SUPT7L: variants seen among roughly 807,000 people sequenced by gnomAD.
SUPT7L encodes SPT7 like, STAGA complex subunit gamma, also known as STAGA complex 65 subunit gamma.
SUPT7L carries 15 observed loss-of-function variants against 35.7 expected under a neutral mutation model. The observed-to-expected ratio is 0.42, with a 90% CI of 0.28 to 0.65. The LOEUF (loss-of-function observed/expected upper bound fraction) is 0.65, where lower values mean the gene tolerates loss of function less well. Among genes scored for constraint, SUPT7L ranks in the 30% least tolerant of loss-of-function variants. The probability of loss-of-function intolerance (pLI) is 0.23; values close to 1 mark genes in which losing one functional copy is unlikely to be tolerated. For missense variants in SUPT7L, 434 were observed against 522.2 expected, an observed-to-expected ratio of 0.83 and a Z score of 1.65; for synonymous variants, 168 against 186.2, an observed-to-expected ratio of 0.90 and a Z score of 0.79.
intron 3 of SUPT7L, 101 bp downstream of exon 3, chr2:27,660,883 C>T: frequency 7.0e-7 from 1 of 1,423,014 alleles, no homozygotes; most frequent in South Asian, 1.5e-5. Context: ...TACTCTTATC[C>T]TCAGTTTCCT....
downstream of SUPT7L, among the ~76,000 whole-genome samples, chr2:27,646,158 CA>C (rs1674217366): frequency 6.6e-6 from 1 of 152,204 alleles, no homozygotes; most frequent in Admixed American, 6.5e-5. Context: ...TGTTGTGCCT[CA>C]GCCTCCTGTG....
At chr2:27,662,768 G>A (rs1272443424) in intron 1 of SUPT7L, among the ~76,000 whole-genome samples, 2 of 152,028 alleles carry the variant, frequency 1.3e-5, no homozygotes, top group Non-Finnish European at 2.9e-5. Context: ...CTATATGCCA[G>A]ACTTCACCTT....
downstream of SUPT7L, among the ~76,000 whole-genome samples, chr2:27,648,895 C>T (rs933908868): frequency 2.0e-5 from 3 of 151,816 alleles, no homozygotes; most frequent in African/African-American, 7.2e-5. Flanking sequence ...TCTCGGCCTC[C>T]CAAAGTGCTG....
At chr2:27,647,410 C>T (rs1323091196), downstream of SUPT7L, among the ~76,000 whole-genome samples, 1 of 152,164 alleles carries the variant, frequency 6.6e-6, no homozygotes, top group Non-Finnish European at 1.5e-5. Context: ...GTATTTTCTG[C>T]AGACCTTCTC....
At chr2:27,656,637 C>CTT (rs113039227) in intron 4 of SUPT7L, among the ~76,000 whole-genome samples, 1 of 143,126 alleles carries the variant, frequency 7.0e-6, no homozygotes, top group Non-Finnish European at 1.5e-5. Context: ...TCTGTGTTCT[C>CTT]TTTTTTTTTT....
In SUPT7L at chr2:27,661,263, G is replaced by A. The variant is rs548044329; in HGVS notation, c.140C>T (p.Pro47Leu). The part of the protein sequence containing the change: ...PPLHQPSANK[P>L]KPPTMLDIPS... Reference sequence around the variant, plus strand: ...GATGTCCAGCATAGTGGGGGGCTTCGGCTTGTTGGCTGAGGGTTGGTGCAG... The same window carrying A: ...GATGTCCAGCATAGTGGGGGGCTTCAGCTTGTTGGCTGAGGGTTGGTGCAG... Residue 47 changes from proline (P) to leucine (L), a missense_variant, in exon 3 of 6, where the codon CCG becomes CTG. Coordinates refer to ENST00000337768, the MANE Select transcript of SUPT7L (RefSeq NM_014860.3). The A allele has an allele frequency of 5.6e-5, 91 of 1,613,496 alleles. No homozygotes were observed. The Middle Eastern group carries it at 6.6e-4, about 12-fold the overall frequency.
chr2:27,642,580 A>G, the SUPT7L span: 1 of 1,028,484 alleles, frequency 9.7e-7, no homozygotes, highest in Non-Finnish European at 1.5e-6. Context: ...TCTTTTATTT[A>G]TTTATTTATT....
chr2:27,661,842 T>A (rs1424021066), intron 2 of SUPT7L: 1 of 414,500 alleles, frequency 2.4e-6, no homozygotes, highest in Non-Finnish European at 4.4e-6. Context: ...ACATCTGTGC[T>A]GGATCAATAG....
intron 2 of SUPT7L, chr2:27,661,846 T>C (rs1054073350): frequency 9.6e-6 from 4 of 415,208 alleles, no homozygotes; most frequent in African/African-American, 8.1e-5. Flanking sequence ...CTGTGCTGGA[T>C]CAATAGGAGA....
chr2:27,645,611 G>C, the SUPT7L span, among the ~76,000 whole-genome samples: 1 of 151,736 alleles, frequency 6.6e-6, no homozygotes, highest in East Asian at 1.9e-4. Flanking sequence ...AGTGTTTCCA[G>C]TTTTCCATAT....
In SUPT7L at chr2:27,650,892, A is replaced by G. The variant is rs1271987301; in HGVS notation, c.*2593T>C. The G allele has an allele frequency of 6.5e-6, 1 of 152,826 alleles. No homozygotes were observed. Among genetic ancestry groups the G allele is most frequent in the Admixed American group, 6.5e-5 (1 of 15,288 alleles). 9.5% of individuals were successfully genotyped at this position (152,826 alleles called of 1,614,324 possible). On this transcript the variant is annotated 3_prime_UTR_variant, in exon 6 of 6. Transcript: ENST00000337768. ...TCATGATTTCAAATTAGAAAATTAT[A>G]TAATTGCAAACAGCTTCACTTCTCC...
downstream of SUPT7L, chr2:27,648,070 A>G (rs1265455588): frequency 1.6e-6 from 1 of 637,742 alleles, no homozygotes; most frequent in Non-Finnish European, 2.8e-6. Flanking sequence ...ACCAGAAAAG[A>G]GTTTCCTATA....
chr2:27,653,618 C>A lies in SUPT7L; in HGVS notation c.1112G>T (p.Gly371Val). Residue 371 changes from glycine (G) to valine (V), a missense_variant, in exon 6 of 6, where the codon GGC (glycine) becomes GTC (valine). By Grantham distance (109) the Gly-to-Val change is moderately radical (BLOSUM62 -3). Coordinates refer to ENST00000337768, the MANE Select transcript of SUPT7L (RefSeq NM_014860.3). ...CTGAGGAATCCCAGCTTCACTCATG[C>A]CTGACATAGGCTCCTCGAAGACATC... ...GSDVFEEPMS[G>V]MSEAGIPQSP... 6.2e-7 allele frequency: 1 copy of A among 1,614,184 alleles called. No homozygotes were observed. Among genetic ancestry groups the A allele is most frequent in the Non-Finnish European group, 8.5e-7 (1 of 1,180,040 alleles).
rs1349673694 is a variant in SUPT7L at position 27,650,828 on chromosome 2, A to C, written c.*2657T>G. The C allele has an allele frequency of 6.5e-6, 1 of 152,804 alleles. No individual in the cohort carries two copies. The highest frequency in any genetic ancestry group is 2.4e-5 in the African/African-American group (1 of 41,462). The allele number at this position is 152,804 out of a possible 1,614,324, so 9.5% of individuals were successfully genotyped here. The stretch of plus-strand genomic sequence containing the variant: ...ATCCTGTTTCATTGGTGACTTGGAT[A>C]AAGACTTTTTAATTTTAACTTTGTT... On this transcript the variant is annotated 3_prime_UTR_variant, in exon 6 of 6. Transcript: ENST00000337768.
chr2:27,644,723 G>GTTTTT, the SUPT7L span, among the ~76,000 whole-genome samples: 15 of 101,736 alleles, frequency 1.5e-4, no homozygotes, highest in African/African-American at 3.9e-4. Context: ...TTTTGGTAGT[G>GTTTTT]TTTTTTTTTT....
downstream of SUPT7L, chr2:27,648,056 C>G (rs1371747837): frequency 6.0e-6 from 4 of 661,162 alleles, no homozygotes; most frequent in Non-Finnish European, 1.1e-5. Context: ...ATAAAGGATA[C>G]AGCACCAGAA....
chr2:27,648,152 C>T (rs2148091710), downstream of SUPT7L, among the ~76,000 whole-genome samples: 1 of 152,294 alleles, frequency 6.6e-6, no homozygotes, highest in Admixed American at 6.5e-5. Context: ...GGTCTTGTGT[C>T]TTCTTATCTT....
At chr2:27,647,839 G>T (rs1674313131), downstream of SUPT7L, 4 of 1,601,010 alleles carry the variant, frequency 2.5e-6, no homozygotes, top group Non-Finnish European at 3.4e-6. Flanking sequence ...ACTGTAGACA[G>T]CTTATCTCCT....
At chr2:27,658,301 A>G (rs1456187038) in intron 3 of SUPT7L, among the ~76,000 whole-genome samples, 1 of 152,168 alleles carries the variant, frequency 6.6e-6, no homozygotes, top group East Asian at 1.9e-4. Context: ...ATTTGCCAGG[A>G]GAGGAAACAG....
Sources: gnomAD v4.1 joint callset for allele counts (sites outside exome capture counted in the v4.1 genomes callset) on GRCh38, gnomAD v4.1.1 for gene constraint, MANE v1.5 for transcripts, NCBI Gene and HGNC (gene_info 2026-07-23, HGNC 2026-07-21) for gene names.